ROBO2: variants seen among roughly 807,000 people sequenced by gnomAD.
ROBO2 encodes the protein roundabout homolog 2.
Under a neutral mutation model 160.8 loss-of-function variants are expected in ROBO2, and 53 were observed. The observed-to-expected ratio is 0.33, with a 90% CI of 0.26 to 0.41. The LOEUF (loss-of-function observed/expected upper bound fraction) is 0.41, where lower values mean the gene tolerates loss of function less well. Ranked by LOEUF, ROBO2 falls within the 10% of genes least tolerant of loss-of-function variation. The pLI is 1.00. For synonymous variants in ROBO2, 664 were observed against 611.7 expected (o/e 1.09, Z -1.26); for missense variants, 1,577 against 1,722.4 (o/e 0.92, Z 1.49).
At chr3:77,359,464 T>C (rs2069612806) in intron 2 of ROBO2, among the ~76,000 whole-genome samples, 1 of 152,212 alleles carries the variant, frequency 6.6e-6, no homozygotes, top group Non-Finnish European at 1.5e-5. Flanking sequence ...TTACCTGTGC[T>C]GATTTGAAGA....
At chr3:77,524,833 A>G (rs1487745851) in intron 6 of ROBO2, among the ~76,000 whole-genome samples, 2 of 151,126 alleles carry the variant, frequency 1.3e-5, no homozygotes, top group Non-Finnish European at 3.0e-5. Context: ...CCTCTCCCCT[A>G]ATCTGTATAC....
exon 1 of ROBO2, chr3:77,040,069 T>G: frequency 1.6e-5 from 2 of 128,126 alleles, no homozygotes; most frequent in Non-Finnish European, 3.3e-5. Flanking sequence ...CCTCCCTCCC[T>G]CCCTCGCTCC....
intron 2 of ROBO2, among the ~76,000 whole-genome samples, chr3:77,237,330 A>G (rs983814824): frequency 6.6e-6 from 1 of 150,996 alleles, no homozygotes; most frequent in Non-Finnish European, 1.5e-5. Context: ...TCCCCCAAGT[A>G]GCAGGGACCA....
rs2089229703 is a variant in ROBO2, at chr3:76,622,253, A to AGAAAGAAAGAAGGAAG, written c.110-475750_110-475749insGGAAGGAAAGAAAGAA. Among the ~76,000 whole-genome samples, 3 of 57,540 alleles carry AGAAAGAAAGAAGGAAG rather than the reference A, an allele frequency of 5.2e-5. 1 individual carries two copies. Among genetic ancestry groups the AGAAAGAAAGAAGGAAG allele is most frequent in the Admixed American group, 1.7e-4 (1 of 5,918 alleles). The allele number at this position is 57,540 out of a possible 152,430, so 37.7% of individuals were successfully genotyped here. A position where few individuals can be genotyped will look rare whatever the true frequency, so the allele number is the denominator to read the frequency against. On this transcript the variant is annotated intron_variant, in intron 2 of 26. Coordinates refer to the ROBO2 transcript ENST00000487694. ...AAGGAAGGAAGAAAGAAAGAAAGAA[A>AGAAAGAAAGAAGGAAG]GAAAGAAAGAAAGAAAGAAAGAAAG...
At chr3:77,221,108 C>T (rs990905900) in intron 2 of ROBO2, among the ~76,000 whole-genome samples, 1 of 152,170 alleles carries the variant, frequency 6.6e-6, no homozygotes, top group Non-Finnish European at 1.5e-5. Flanking sequence ...ATGAACACTG[C>T]AGACCCACAT....
intron 2 of ROBO2, among the ~76,000 whole-genome samples, chr3:76,685,822 A>G (rs2092673765): frequency 6.6e-6 from 1 of 152,182 alleles, no homozygotes; most frequent in Admixed American, 6.6e-5. Context: ...GACAATGAAT[A>G]ATAATGGAGG....
intron 2 of ROBO2, among the ~76,000 whole-genome samples, chr3:77,322,903 G>GTATTATAATATATTATATATTATGGA (rs2064913477): frequency 6.1e-5 from 3 of 49,292 alleles, no homozygotes; most frequent in African/African-American, 1.9e-4. Flanking sequence ...CATATATTAT[G>GTATTATAATATATTATATATTATGGA]TATTATAATA....
chr3:75,991,804 T>C (rs2065581306), intron 2 of ROBO2, among the ~76,000 whole-genome samples: 1 of 152,118 alleles, frequency 6.6e-6, no homozygotes, highest in Non-Finnish European at 1.5e-5. Context: ...ATGCTGATAA[T>C]GATACAGACA....
intron 2 of ROBO2, among the ~76,000 whole-genome samples, chr3:76,287,595 C>G (rs780651807): frequency 1.3e-5 from 2 of 152,080 alleles, no homozygotes; most frequent in Non-Finnish European, 1.5e-5. Flanking sequence ...CCGCCGTGCC[C>G]GGCCCTTTTC....
At chr3:77,410,807 CTCCT>C (rs2076739837) in intron 2 of ROBO2, among the ~76,000 whole-genome samples, 1 of 148,964 alleles carries the variant, frequency 6.7e-6, no homozygotes, top group Admixed American at 6.7e-5. Flanking sequence ...CCCTCTCCTC[CTCCT>C]TCTTCTCCTT....
chr3:76,656,022 T>C (rs1014118254), intron 2 of ROBO2, among the ~76,000 whole-genome samples: 1 of 152,148 alleles, frequency 6.6e-6, no homozygotes, highest in African/African-American at 2.4e-5. Flanking sequence ...TTTTAAATCA[T>C]ATAGATTTAA....
At chr3:76,013,407 T>C (rs1180135024) in intron 2 of ROBO2, among the ~76,000 whole-genome samples, 13 of 147,030 alleles carry the variant, frequency 8.8e-5, no homozygotes, top group East Asian at 4.2e-4. Flanking sequence ...GCACGGTGGC[T>C]TATGTGTGTA....
chr3:76,174,768 TTATAG>T (rs2073166542), intron 2 of ROBO2, among the ~76,000 whole-genome samples: 1 of 152,156 alleles, frequency 6.6e-6, no homozygotes, highest in African/African-American at 2.4e-5. Flanking sequence ...TACTGTAGCC[TTATAG>T]TATAGTTTGA....
chr3:77,525,255 T>C (rs1289166807), intron 6 of ROBO2, among the ~76,000 whole-genome samples: 23 of 105,152 alleles, frequency 2.2e-4, no homozygotes, highest in Admixed American at 1.9e-3. Flanking sequence ...TTTTTTTTTT[T>C]CAAGATGAAA....
At chr3:76,566,993 A>T (rs920866694) in intron 2 of ROBO2, among the ~76,000 whole-genome samples, 1 of 152,216 alleles carries the variant, frequency 6.6e-6, no homozygotes, top group African/African-American at 2.4e-5. Flanking sequence ...GCATTTATAT[A>T]TTTATCCATG....
intron 2 of ROBO2, among the ~76,000 whole-genome samples, chr3:77,223,751 A>T (rs1365356713): frequency 6.6e-6 from 1 of 152,074 alleles, no homozygotes; most frequent in Non-Finnish European, 1.5e-5. Context: ...TTATGTGCAG[A>T]TTATATCAGA....
intron 2 of ROBO2, among the ~76,000 whole-genome samples, chr3:76,376,728 AG>A (rs1174257772): frequency 6.6e-6 from 1 of 152,118 alleles, no homozygotes; most frequent in Admixed American, 6.6e-5. Flanking sequence ...GAAAGTTTTA[AG>A]GGGCCAGAGG....
intron 4 of ROBO2, among the ~76,000 whole-genome samples, chr3:77,483,682 T>G (rs2153591567): frequency 6.7e-6 from 1 of 149,308 alleles, no homozygotes; most frequent in South Asian, 2.1e-4. Flanking sequence ...AAGTTACATT[T>G]TGTTGTTCAA....
At chr3:77,307,119 T>C (rs1251096857) in intron 2 of ROBO2, among the ~76,000 whole-genome samples, 1 of 152,188 alleles carries the variant, frequency 6.6e-6, no homozygotes, top group Non-Finnish European at 1.5e-5. Context: ...TTTCTGGTGC[T>C]TGTGATATAT....
Sources: gnomAD v4.1 joint callset for allele counts (sites outside exome capture counted in the v4.1 genomes callset) on GRCh38, gnomAD v4.1.1 for gene constraint, MANE v1.5 for transcripts, NCBI Gene and HGNC (gene_info 2026-07-23, HGNC 2026-07-21) for gene names.